The following KCNH7 variants were observed in gnomAD, a reference collection of about 807,000 sequenced individuals.
The protein encoded by KCNH7 is potassium voltage-gated channel subfamily H member 7.
KCNH7 carries 49 observed loss-of-function variants against 120.8 expected under a neutral mutation model. The ratio of observed to expected loss-of-function variants is 0.41; its 90% confidence interval spans 0.32 to 0.51. The LOEUF is 0.51. Ranked by LOEUF, KCNH7 falls within the 20% of genes least tolerant of loss-of-function variation. The pLI is 0.38. For synonymous variants in KCNH7, 547 were observed against 516.1 expected, an observed-to-expected ratio of 1.06 and a Z score of -0.81; for missense variants, 1,097 against 1,446.6, an observed-to-expected ratio of 0.76 and a Z score of 3.92.
At chr2:162,729,532 C>G (rs537135406) in intron 2 of KCNH7, among the ~76,000 whole-genome samples, 2 of 152,028 alleles carry the variant, frequency 1.3e-5, no homozygotes, top group Non-Finnish European at 2.9e-5. Context: ...GATTTGGTAA[C>G]CTCATTAATT....
At chr2:162,717,953 A>T (rs1687186375) in intron 2 of KCNH7, among the ~76,000 whole-genome samples, 1 of 152,058 alleles carries the variant, frequency 6.6e-6, no homozygotes, top group South Asian at 2.1e-4. Context: ...TTTAACTGAC[A>T]TGATTAACTC....
intron 2 of KCNH7, among the ~76,000 whole-genome samples, chr2:162,564,471 G>A (rs1484750805): frequency 1.3e-5 from 2 of 152,102 alleles, no homozygotes; most frequent in Non-Finnish European, 2.9e-5. Context: ...TGAGGAAATT[G>A]GGGTCCAGAG....
intron 2 of KCNH7, among the ~76,000 whole-genome samples, chr2:162,560,653 T>G (rs1049461788): frequency 4.6e-5 from 7 of 152,222 alleles, no homozygotes; most frequent in Non-Finnish European, 7.3e-5. Flanking sequence ...GAAAATGAAT[T>G]AGATAATTTT....
chr2:162,471,251 A>T (rs940563841), intron 6 of KCNH7, among the ~76,000 whole-genome samples: 5 of 152,094 alleles, frequency 3.3e-5, no homozygotes, highest in Non-Finnish European at 7.4e-5. Context: ...ATAAATTAAA[A>T]AAAAAAAAAA....
intron 2 of KCNH7, among the ~76,000 whole-genome samples, chr2:162,674,692 C>T: frequency 6.6e-6 from 1 of 151,524 alleles, no homozygotes; most frequent in East Asian, 1.9e-4. Context: ...CATTTCCATA[C>T]ATAAGAAAAA....
In KCNH7 at chr2:162,384,603, G is replaced by A. The variant is rs1199483027; in HGVS notation, c.2962+85C>T. Reference sequence around the variant, plus strand: ...GTTGAGAACAATTAGATTAACATGTGTCAGTACAGTTCTTAATTTGTAAAA... The same window carrying A: ...GTTGAGAACAATTAGATTAACATGTATCAGTACAGTTCTTAATTTGTAAAA... On this transcript the variant is annotated intron_variant, in intron 13 of 15. Transcript: ENST00000332142. The A allele has an allele frequency of 4.8e-6, 6 of 1,246,638 alleles. No individual in the cohort carries two copies. In the African/African-American group the frequency reaches 9.1e-5, roughly 19 times the overall value. The allele number at this position is 1,246,638 out of a possible 1,614,324, so 77.2% of individuals were successfully genotyped here.
At chr2:162,422,962 T>C (rs1235187860) in intron 9 of KCNH7, among the ~76,000 whole-genome samples, 3 of 152,206 alleles carry the variant, frequency 2.0e-5, no homozygotes, top group Non-Finnish European at 4.4e-5. Flanking sequence ...TCATAATTAT[T>C]ACTGTTTACT....
chr2:162,380,390 C>A (rs577698681), intron 13 of KCNH7, among the ~76,000 whole-genome samples: 1 of 151,990 alleles, frequency 6.6e-6, no homozygotes, highest in Admixed American at 6.6e-5. Flanking sequence ...TTGTTTGCAC[C>A]GCATTATCTA....
chr2:162,390,242 T>TTATA (rs905681264), intron 12 of KCNH7, among the ~76,000 whole-genome samples: 1 of 150,344 alleles, frequency 6.7e-6, no homozygotes, highest in African/African-American at 2.5e-5. Context: ...TATAATCGCA[T>TTATA]TATATATATA....
intron 2 of KCNH7, among the ~76,000 whole-genome samples, chr2:162,805,315 A>C (rs1684500347): frequency 6.6e-6 from 1 of 152,162 alleles, no homozygotes; most frequent in Non-Finnish European, 1.5e-5. Context: ...AATGGGAGAA[A>C]ATATTTGCAA....
At chr2:162,451,251 G>A (rs1422909874) in intron 6 of KCNH7, among the ~76,000 whole-genome samples, 1 of 151,952 alleles carries the variant, frequency 6.6e-6, no homozygotes, top group Non-Finnish European at 1.5e-5. Flanking sequence ...GGTAAAATGG[G>A]AAATGTTTAC....
intron 2 of KCNH7, among the ~76,000 whole-genome samples, chr2:162,778,878 T>TA (rs1167795493): frequency 6.6e-6 from 1 of 152,176 alleles, no homozygotes; most frequent in Admixed American, 6.5e-5. Flanking sequence ...CATTGAGTTA[T>TA]ACGCATTTAC....
In KCNH7 at chr2:162,377,462, A is replaced by T. The variant is rs183376720; in HGVS notation, c.3131+2391T>A. Among the ~76,000 whole-genome samples the T allele has an allele frequency of 2.7e-3, 406 of 152,324 alleles. 2 individuals are homozygous for T. The highest frequency in any genetic ancestry group is 9.3e-3 in the African/African-American group (385 of 41,576). ...CACTCATTCTGAGAGGTAAAGGTGGAGATTTTTAAAGGAAAGATGAGGAGG... is the reference window on the plus strand; with the variant it reads ...CACTCATTCTGAGAGGTAAAGGTGGTGATTTTTAAAGGAAAGATGAGGAGG... On this transcript the variant is annotated intron_variant, in intron 14 of 15. Coordinates refer to ENST00000332142, the MANE Select transcript of KCNH7 (RefSeq NM_033272.4).
intron 2 of KCNH7, among the ~76,000 whole-genome samples, chr2:162,661,674 T>A (rs1412398911): frequency 1.3e-5 from 2 of 152,106 alleles, no homozygotes; most frequent in African/African-American, 4.8e-5. Context: ...AAAAAATGTC[T>A]CGGTAAGAAG....
chr2:162,605,893 G>A (rs961974878), intron 2 of KCNH7, among the ~76,000 whole-genome samples: 1 of 151,946 alleles, frequency 6.6e-6, no homozygotes, highest in African/African-American at 2.4e-5. Flanking sequence ...ACTTTTACAA[G>A]TTAAAAAGAC....
intron 2 of KCNH7, among the ~76,000 whole-genome samples, chr2:162,709,616 CTT>C (rs1686846436): frequency 6.6e-6 from 1 of 152,088 alleles, no homozygotes; most frequent in Admixed American, 6.6e-5. Flanking sequence ...CTGTCCCTCT[CTT>C]CTTTTGTAAA....
intron 2 of KCNH7, among the ~76,000 whole-genome samples, chr2:162,669,165 AT>A (rs1300352454): frequency 3.3e-5 from 5 of 152,142 alleles, no homozygotes; most frequent in South Asian, 4.1e-4. Flanking sequence ...GATTATTTAG[AT>A]TTTTTTAGAT....
At chr2:162,811,777 T>A (rs1455971685) in intron 2 of KCNH7, among the ~76,000 whole-genome samples, 3 of 152,102 alleles carry the variant, frequency 2.0e-5, no homozygotes, top group Non-Finnish European at 2.9e-5. Flanking sequence ...AAAGAAGACT[T>A]CATGATTAGA....
chr2:162,420,081 A>T (rs1321515347), intron 9 of KCNH7, among the ~76,000 whole-genome samples: 1 of 152,182 alleles, frequency 6.6e-6, no homozygotes, highest in Non-Finnish European at 1.5e-5. Flanking sequence ...TCATACTCAA[A>T]AAAACACAAT....
Sources: gnomAD v4.1 joint callset for allele counts (sites outside exome capture counted in the v4.1 genomes callset) on GRCh38, gnomAD v4.1.1 for gene constraint, MANE v1.5 for transcripts, NCBI Gene and HGNC (gene_info 2026-07-23, HGNC 2026-07-21) for gene names.